Variants in PCDHGA7 observed in about 807,000 individuals in gnomAD.
PCDHGA7 encodes the protein protocadherin gamma-A7.
A neutral mutation model predicts 58.3 loss-of-function variants in PCDHGA7; 44 were observed. That is an observed-to-expected ratio of 0.75 (90% CI 0.59 to 0.97). The LOEUF is 0.97. PCDHGA7 is among the 50% of genes least tolerant of loss of function. The probability of loss-of-function intolerance (pLI) is 0.00; values close to 1 mark genes in which losing one functional copy is unlikely to be tolerated. For missense variants in PCDHGA7, 1,266 were observed against 1,188.7 expected, an observed-to-expected ratio of 1.06 and a Z score of -0.96; for synonymous variants, 516 against 504.2, an observed-to-expected ratio of 1.02 and a Z score of -0.31.
chr5:141,427,726 T>G (rs2097061742), intron 1 of PCDHGA7: 1 of 1,155,034 alleles, frequency 8.7e-7, no homozygotes, highest in Non-Finnish European at 1.3e-6. Context: ...GACCTAGGGC[T>G]GAATGGCCAA....
chr5:141,419,138 A>G (rs1590146439), intron 1 of PCDHGA7: 1 of 1,613,920 alleles, frequency 6.2e-7, no homozygotes, highest in Non-Finnish European at 8.5e-7. Flanking sequence ...AGCCACAGAC[A>G]GGGGCAAGCC....
chr5:141,491,884 G>C lies in PCDHGA7; in HGVS notation c.2425-2923G>C, dbSNP rs745931108. 5.0e-5 allele frequency: 73 copies of C among 1,446,372 alleles called. No homozygotes were observed. The highest frequency in any genetic ancestry group is 6.3e-5 in the Non-Finnish European group (69 of 1,094,334). The allele number at this position is 1,446,372 out of a possible 1,614,324, so 89.6% of individuals were successfully genotyped here. A position where few individuals can be genotyped will look rare whatever the true frequency, so the allele number is the denominator to read the frequency against. On this transcript the variant is annotated intron_variant, in intron 1 of 3. Coordinates refer to ENST00000518325, the MANE Select transcript of PCDHGA7 (RefSeq NM_018920.4). The surrounding 1 kb of genome is among the most constrained non-coding windows in gnomAD (Gnocchi z 6.9). The stretch of plus-strand genomic sequence containing the variant: ...AACCAGAGTGGCCGATTAAGGGATG[G>C]GGCTCCGAGCACCGGGGGTGGTGGC...
At chr5:141,392,746 G>T in intron 1 of PCDHGA7, 1 of 1,443,974 alleles carries the variant, frequency 6.9e-7, no homozygotes, top group South Asian at 1.5e-5. Flanking sequence ...CATAGCTGCG[G>T]CAAGAAACTA....
chr5:141,438,065 C>T (rs1385128405), intron 1 of PCDHGA7, among the ~76,000 whole-genome samples: 1 of 151,996 alleles, frequency 6.6e-6, no homozygotes, highest in Non-Finnish European at 1.5e-5. Flanking sequence ...TTTAAGAAAC[C>T]ATACTTAATG....
rs1206410102 is a variant in PCDHGA7 at position 141,383,889 on chromosome 5, G to A, written c.990G>A (p.Lys330=). ...AAGATGGTCCTGGTAGTCTGACAAA[G>A]GCAAAAGTACTGATCACAGTTTTAG... The part of the protein sequence containing the change: ...QAQDGPGSLT[K]AKVLITVLDV... The change falls in exon 1 of 4, where the codon AAG becomes AAA. Residue 330 remains lysine (K), a synonymous_variant. Coordinates refer to ENST00000518325, the MANE Select transcript of PCDHGA7 (RefSeq NM_018920.4). The A allele has an allele frequency of 3.1e-6, 5 of 1,613,938 alleles. No individual in the cohort carries two copies. Among genetic ancestry groups the A allele is most frequent in the Non-Finnish European group, 4.2e-6 (5 of 1,179,892 alleles).
chr5:141,428,077 A>G (rs2097107152), intron 1 of PCDHGA7: 4 of 1,609,206 alleles, frequency 2.5e-6, no homozygotes, highest in South Asian at 1.1e-5. Flanking sequence ...GATTCGGGAC[A>G]CAACGCTTGG....
intron 1 of PCDHGA7, among the ~76,000 whole-genome samples, chr5:141,452,199 G>T (rs2098736057): frequency 1.3e-5 from 2 of 151,778 alleles, no homozygotes; most frequent in African/African-American, 4.8e-5. Flanking sequence ...AATTGTTTTA[G>T]ATGTTACCAA....
chr5:141,429,651 C>G (rs62379161), intron 1 of PCDHGA7, among the ~76,000 whole-genome samples: 5,146 of 152,188 alleles, frequency 0.034, 101 homozygotes, highest in Middle Eastern at 0.088. Context: ...TATTTCTTCC[C>G]AATTTAAAAT....
At position 141,477,269 on chromosome 5, in the gene PCDHGA7, G is replaced by A; in HGVS notation, c.2425-17538G>A. On this transcript the variant is annotated intron_variant, in intron 1 of 3. Coordinates refer to ENST00000518325, the MANE Select transcript of PCDHGA7 (RefSeq NM_018920.4). This position sits in a 1 kb window ranked among gnomAD's most constrained non-coding sequence, Gnocchi z 4.9. Reference sequence around the variant, plus strand: ...GACTGACCTGGATGCTGGCGAGAACGGGCTGGTGACCTGCGAAGTTCCACC... The same window carrying A: ...GACTGACCTGGATGCTGGCGAGAACAGGCTGGTGACCTGCGAAGTTCCACC... 1.9e-6 allele frequency: 3 copies of A among 1,614,154 alleles called. No individual in the cohort carries two copies. Among genetic ancestry groups the A allele is most frequent in the Non-Finnish European group, 2.5e-6 (3 of 1,180,030 alleles).
In PCDHGA7 at chr5:141,413,886, C is replaced by T. The variant is rs916273509; in HGVS notation, c.2424+28563C>T. The T allele has an allele frequency of 8.7e-6, 14 of 1,613,202 alleles. No homozygotes were observed. The African/African-American group carries it at 1.7e-4, about 20-fold the overall frequency. On this transcript the variant is annotated intron_variant, in intron 1 of 3. Transcript: ENST00000518325. ...CTGTCCTTGTCAGTGTGACTGTCTT[C>T]GATGCAAATGACAACGCGCCGGTCT...
chr5:141,395,797 A>G (rs56946131), intron 1 of PCDHGA7: 16,957 of 151,702 alleles, frequency 0.11, 1,119 homozygotes, highest in African/African-American at 0.18. Flanking sequence ...ACTTCTTACC[A>G]TCCTTCAAAA....
Position 141,415,037 on chromosome 5 carries a change from T to G in PCDHGA7, c.2424+29714T>G, listed in dbSNP as rs775779136. The G allele has an allele frequency of 5.0e-6, 8 of 1,613,384 alleles. No homozygotes were observed. In the Admixed American group the frequency reaches 8.3e-5, roughly 17 times the overall value. ...CTCAAGGCCAGCGAGCCGGGACTCT[T>G]CGCGGTGGGGGAGCACACGGGCGAG... is the stretch of plus-strand genomic sequence containing the variant. On this transcript the variant is annotated intron_variant, in intron 1 of 3. Coordinates refer to ENST00000518325, the MANE Select transcript of PCDHGA7 (RefSeq NM_018920.4).
At chr5:141,399,681 C>G (rs2093865042) in intron 1 of PCDHGA7, 1 of 1,613,408 alleles carries the variant, frequency 6.2e-7, no homozygotes, top group South Asian at 1.1e-5. Flanking sequence ...CCTTTGACTA[C>G]GAGCAGCTGC....
intron 2 of PCDHGA7, among the ~76,000 whole-genome samples, chr5:141,503,886 T>G (rs150106838): frequency 8.2e-4 from 125 of 152,290 alleles, no homozygotes; most frequent in African/African-American, 2.9e-3. Flanking sequence ...TCACCCACCA[T>G]GACAAAATAT....
At chr5:141,495,480 C>A (rs2099761689) in intron 2 of PCDHGA7, among the ~76,000 whole-genome samples, 1 of 152,208 alleles carries the variant, frequency 6.6e-6, no homozygotes, top group African/African-American at 2.4e-5. Flanking sequence ...CGTGTCTCTG[C>A]CCCTTTTTCT....
intron 2 of PCDHGA7, among the ~76,000 whole-genome samples, chr5:141,495,601 G>C (rs1315613802): frequency 6.6e-6 from 1 of 152,004 alleles, no homozygotes; most frequent in Non-Finnish European, 1.5e-5. Context: ...CTTAGCTTCC[G>C]TCTTGATTGC....
chr5:141,421,505 G>A (rs745883683), intron 1 of PCDHGA7: 3 of 1,614,058 alleles, frequency 1.9e-6, no homozygotes, highest in South Asian at 1.1e-5. Context: ...AGGATAGACC[G>A]GGAGGAGCTC....
Position 141,491,657 on chromosome 5 carries a change from A to T in PCDHGA7, c.2425-3150A>T. 1.2e-6 allele frequency: 2 copies of T among 1,613,740 alleles called. No homozygotes were observed. Among genetic ancestry groups the T allele is most frequent in the Non-Finnish European group, 1.7e-6 (2 of 1,180,006 alleles). On this transcript the variant is annotated intron_variant, in intron 1 of 3. Transcript: ENST00000518325. The surrounding 1 kb of genome is among the most constrained non-coding windows in gnomAD (Gnocchi z 6.9). ...CCCACAGCTCTGGCGCTGGAGCCTG[A>T]CGCCATCCGGTCCCGCTCTAATACG...
chr5:141,419,206 G>T, intron 1 of PCDHGA7: 1 of 1,613,876 alleles, frequency 6.2e-7, no homozygotes, highest in Non-Finnish European at 8.5e-7. Flanking sequence ...ATGACAACGC[G>T]CCGGTTTTCG....
Sources: allele counts gnomAD v4.1 joint callset (sites outside exome capture counted in the v4.1 genomes callset), GRCh38; gene constraint gnomAD v4.1.1; non-coding constraint Gnocchi (gnomAD v3.1); transcripts MANE v1.5; gene names NCBI Gene and HGNC (gene_info 2026-07-23, HGNC 2026-07-21).